The following PLXNC1 variants were observed in gnomAD, a reference collection of about 807,000 sequenced individuals.
PLXNC1 encodes the protein plexin C1, also known as plexin-C1.
In PLXNC1, 75 loss-of-function variants were observed where a neutral mutation model predicts 178.2. That is an observed-to-expected ratio of 0.42 (90% CI 0.35 to 0.51). PLXNC1 has a LOEUF of 0.51. Among genes scored for constraint, PLXNC1 ranks in the 20% least tolerant of loss-of-function variants. PLXNC1 has a pLI of 0.02. For synonymous variants in PLXNC1, 790 were observed against 779.9 expected (o/e 1.01, Z -0.22); for missense variants, 1,503 against 1,984.4 (o/e 0.76, Z 4.61).
chr12:94,164,703 ACACG>A (rs1156712581), intron 1 of PLXNC1, among the ~76,000 whole-genome samples: 24 of 147,700 alleles, frequency 1.6e-4, no homozygotes, highest in African/African-American at 4.6e-4. Context: ...ACACACACAC[ACACG>A]TACACACACA....
At chr12:94,304,520 T>C (rs967932830) in intron 30 of PLXNC1, among the ~76,000 whole-genome samples, 2 of 152,256 alleles carry the variant, frequency 1.3e-5, no homozygotes, top group African/African-American at 4.8e-5. Context: ...TGGGTTTTTT[T>C]CTTTGGAAAT....
intron 14 of PLXNC1, among the ~76,000 whole-genome samples, chr12:94,249,612 C>T (rs545878804): frequency 3.3e-4 from 50 of 152,048 alleles, no homozygotes; most frequent in African/African-American, 1.2e-3. Flanking sequence ...CTTTGGGAAG[C>T]CAAAGCAGGA....
At chr12:94,280,056 G>A (rs1357538840) in intron 22 of PLXNC1, 2 of 345,562 alleles carry the variant, frequency 5.8e-6, no homozygotes, top group Non-Finnish European at 1.1e-5. Flanking sequence ...TGTCATTACT[G>A]GGTGGCTCAG....
intron 4 of PLXNC1, among the ~76,000 whole-genome samples, chr12:94,188,558 A>G (rs1206657741): frequency 1.3e-5 from 2 of 152,246 alleles, no homozygotes; most frequent in Admixed American, 1.3e-4. Context: ...TCCTGACCTC[A>G]GGTGATCCGC....
chr12:94,264,831 A>G (rs1184377015), intron 20 of PLXNC1, among the ~76,000 whole-genome samples: 3 of 152,244 alleles, frequency 2.0e-5, no homozygotes, highest in African/African-American at 7.2e-5. Context: ...TACTGTGGGT[A>G]CTGCACGTCG....
intron 21 of PLXNC1, among the ~76,000 whole-genome samples, chr12:94,271,369 A>G (rs181527989): frequency 1.3e-5 from 2 of 152,358 alleles, no homozygotes; most frequent in Admixed American, 1.3e-4. Flanking sequence ...CCATGTGGGA[A>G]AAGACCTGTT....
At chr12:94,177,946 T>C (rs796191473) in intron 2 of PLXNC1, among the ~76,000 whole-genome samples, 39 of 152,248 alleles carry the variant, frequency 2.6e-4, no homozygotes, top group African/African-American at 9.4e-4. Flanking sequence ...TCTTAAATAA[T>C]AGTAACCATA....
rs559147832 is a variant in PLXNC1 at position 94,283,113 on chromosome 12, G to A, written c.3879+712G>A. Among the ~76,000 whole-genome samples, 116 of 152,100 alleles carry A rather than the reference G, an allele frequency of 7.6e-4. 1 individual carries two copies. Among genetic ancestry groups the A allele is most frequent in the Non-Finnish European group, 2.9e-5 (2 of 68,012 alleles). On this transcript the variant is annotated intron_variant, in intron 23 of 30. Transcript: ENST00000258526. Reference sequence around the variant, plus strand: ...TGCATGGGAGAGGAGCAAAGACCAGGTCCCTGCCCTCACAGAGCCTGCAGC... The same window carrying A: ...TGCATGGGAGAGGAGCAAAGACCAGATCCCTGCCCTCACAGAGCCTGCAGC...
intron 23 of PLXNC1, among the ~76,000 whole-genome samples, chr12:94,283,369 G>T (rs778962406): frequency 3.3e-5 from 5 of 152,138 alleles, no homozygotes; most frequent in Admixed American, 1.3e-4. Context: ...GCAATGGAGA[G>T]GGGGAAGGAG....
intron 21 of PLXNC1, among the ~76,000 whole-genome samples, chr12:94,269,746 A>G (rs1161346124): frequency 6.6e-6 from 1 of 152,122 alleles, no homozygotes. Flanking sequence ...TGAGCTTTTT[A>G]TTTTTCTCTC....
At chr12:94,179,306 A>G (rs1278509101) in intron 2 of PLXNC1, among the ~76,000 whole-genome samples, 1 of 152,248 alleles carries the variant, frequency 6.6e-6, no homozygotes, top group African/African-American at 2.4e-5. Context: ...TGATGTCTAC[A>G]GTGGTAGAGA....
intron 7 of PLXNC1, among the ~76,000 whole-genome samples, chr12:94,226,095 A>T (rs1963930428): frequency 6.6e-6 from 1 of 152,194 alleles, no homozygotes; most frequent in Non-Finnish European, 1.5e-5. Context: ...AGGTGATTTG[A>T]TTAGTAGAAA....
At chr12:94,252,733 GAATGTGCT>G (rs1198900939) in intron 15 of PLXNC1, among the ~76,000 whole-genome samples, 1 of 152,166 alleles carries the variant, frequency 6.6e-6, no homozygotes, top group African/African-American at 2.4e-5. Flanking sequence ...TAGAGAGAGG[GAATGTGCT>G]CCCTAGGTTT....
rs1960900829 is a variant in PLXNC1 at position 94,150,123 on chromosome 12, G to A, written c.1062+90G>A. 6 of 1,096,496 alleles carry A rather than the reference G, an allele frequency of 5.5e-6. No homozygotes were observed. In the East Asian group the frequency reaches 1.4e-4, roughly 26 times the overall value. The allele number at this position is 1,096,496 out of a possible 1,614,324, so 67.9% of individuals were successfully genotyped here. A position where few individuals can be genotyped will look rare whatever the true frequency, so the allele number is the denominator to read the frequency against. The stretch of plus-strand genomic sequence containing the variant: ...GCAGAACGAGCTGGGGGCGAGCGGC[G>A]GGGCGGGGGTACAGCCGGGTGACAT... On this transcript the variant is annotated intron_variant, in intron 1 of 30. Coordinates refer to ENST00000258526, the MANE Select transcript of PLXNC1 (RefSeq NM_005761.3).
intron 4 of PLXNC1, among the ~76,000 whole-genome samples, chr12:94,193,741 G>A (rs1207045221): frequency 6.6e-6 from 1 of 152,168 alleles, no homozygotes; most frequent in Non-Finnish European, 1.5e-5. Flanking sequence ...TGAAGCTGGT[G>A]TTGAGATTAC....
intron 5 of PLXNC1, among the ~76,000 whole-genome samples, chr12:94,216,863 T>G (rs1963659520): frequency 6.6e-6 from 1 of 152,198 alleles, no homozygotes; most frequent in African/African-American, 2.4e-5. Context: ...CCACCTGCCC[T>G]TTAAGTCTTC....
At chr12:94,210,578 T>G (rs1963439098) in intron 5 of PLXNC1, among the ~76,000 whole-genome samples, 1 of 152,228 alleles carries the variant, frequency 6.6e-6, no homozygotes, top group Non-Finnish European at 1.5e-5. Context: ...CCCTTACACT[T>G]TGCCATTTCA....
intron 2 of PLXNC1, among the ~76,000 whole-genome samples, chr12:94,175,242 A>G (rs2135949238): frequency 6.6e-6 from 1 of 152,294 alleles, no homozygotes; most frequent in East Asian, 1.9e-4. Context: ...CTGCTTATGG[A>G]AAAAAATAAT....
At position 94,260,738 on chromosome 12, in the gene PLXNC1, G is replaced by C; in HGVS notation, c.3348G>C (p.Gln1116His). 6.2e-7 allele frequency: 1 copy of C among 1,614,186 alleles called. No homozygotes were observed. Among genetic ancestry groups the C allele is most frequent in the South Asian group, 1.1e-5 (1 of 91,084 alleles). Residue 1116 changes from glutamine to histidine, a missense_variant, in exon 20 of 31, where the codon CAG (glutamine) becomes CAC (histidine). By Grantham distance (24) the Gln-to-His change is conservative (BLOSUM62 0). Around this residue, in one of 4 missense-constraint regions of PLXNC1, gnomAD observed 639 missense variants for 979.7 expected, o/e 0.65. Transcript: ENST00000258526. This position sits in a 1 kb window ranked among gnomAD's most constrained non-coding sequence, Gnocchi z 4.4. ...TGCTGACCAGGGACTTGATGGAACA[G>C]TGTAGTAACATGCAGCCGAAACTCA... ...LEVLTRDLME[Q>H]CSNMQPKLML...
Sources: allele counts gnomAD v4.1 joint callset (sites outside exome capture counted in the v4.1 genomes callset), GRCh38; gene constraint gnomAD v4.1.1; regional missense constraint gnomAD v4.1.1; non-coding constraint Gnocchi (gnomAD v3.1); transcripts MANE v1.5; gene names NCBI Gene and HGNC (gene_info 2026-07-23, HGNC 2026-07-21).